The following IL17B variants were observed in gnomAD, a reference collection of about 807,000 sequenced individuals.
The protein encoded by IL17B is interleukin-17B.
Under a neutral mutation model 14.7 loss-of-function variants are expected in IL17B, and 14 were observed. That is an observed-to-expected ratio of 0.95 (90% confidence interval 0.63 to 1.49). The LOEUF (loss-of-function observed/expected upper bound fraction) is 1.49, where lower values mean the gene tolerates loss of function less well. IL17B is among the 40% of genes most tolerant of loss of function. IL17B has a pLI of 0.00. For synonymous variants in IL17B, 105 were observed against 94.8 expected, an observed-to-expected ratio of 1.11 and a Z score of -0.62; for missense variants, 233 against 252.8, an observed-to-expected ratio of 0.92 and a Z score of 0.53.
At chr5:149,396,098 A>C (rs1267341285) in intron 1 of IL17B, among the ~76,000 whole-genome samples, 1 of 152,268 alleles carries the variant, frequency 6.6e-6, no homozygotes, top group Non-Finnish European at 1.5e-5. Context: ...ATGAAAAAAA[A>C]TAAACTGCAT....
At chr5:149,394,194 TG>T (rs1166398468) in intron 1 of IL17B, among the ~76,000 whole-genome samples, 2 of 152,212 alleles carry the variant, frequency 1.3e-5, no homozygotes, top group Non-Finnish European at 2.9e-5. Context: ...TACGCGCAGA[TG>T]AACTATATTC....
At chr5:149,402,371 G>A (rs947349087) in intron 1 of IL17B, among the ~76,000 whole-genome samples, 30 of 152,120 alleles carry the variant, frequency 2.0e-4, no homozygotes, top group Non-Finnish European at 2.9e-4. Context: ...GGGAGGACTG[G>A]GCTACACCAT....
At chr5:149,399,241 G>A (rs1357337131) in intron 1 of IL17B, among the ~76,000 whole-genome samples, 6 of 152,160 alleles carry the variant, frequency 3.9e-5, no homozygotes, top group African/African-American at 1.4e-4. Flanking sequence ...CTGTCAGGTG[G>A]GCAGAGAGTA....
chr5:149,396,622 G>A (rs1759096573), intron 1 of IL17B, among the ~76,000 whole-genome samples: 1 of 152,138 alleles, frequency 6.6e-6, no homozygotes, highest in Non-Finnish European at 1.5e-5. Context: ...GCCAGGCGCA[G>A]CGGTGTACGC....
At chr5:149,387,547 T>C (rs1332740533) in intron 1 of IL17B, among the ~76,000 whole-genome samples, 8 of 152,026 alleles carry the variant, frequency 5.3e-5, no homozygotes, top group Non-Finnish European at 1.2e-4. Context: ...GGCAGGAGAA[T>C]TGCTTGAGGT....
At chr5:149,389,536 T>C (rs1758895918) in intron 1 of IL17B, among the ~76,000 whole-genome samples, 1 of 152,150 alleles carries the variant, frequency 6.6e-6, no homozygotes, top group African/African-American at 2.4e-5. Context: ...AGTGTCAGAG[T>C]TGGGACCAGA....
chr5:149,398,675 G>A (rs1404910320), intron 1 of IL17B, among the ~76,000 whole-genome samples: 1 of 152,232 alleles, frequency 6.6e-6, no homozygotes, highest in Non-Finnish European at 1.5e-5. Flanking sequence ...GGGAGGTGGA[G>A]GTGGGCAGAT....
upstream of IL17B, among the ~76,000 whole-genome samples, chr5:149,383,456 CAG>C (rs1376714927): frequency 6.6e-6 from 1 of 152,172 alleles, no homozygotes; most frequent in Non-Finnish European, 1.5e-5. Context: ...CCAGTAAGGT[CAG>C]GGAAGGCGGG....
intron 1 of IL17B, among the ~76,000 whole-genome samples, chr5:149,400,161 T>G (rs1759178471): frequency 1.3e-5 from 2 of 152,128 alleles, no homozygotes; most frequent in Non-Finnish European, 2.9e-5. Context: ...AATTAGTTAA[T>G]ATGAGGTCAG....
chr5:149,374,508 T>G lies in IL17B; in HGVS notation c.404A>C (p.Asp135Ala). 6.2e-7 allele frequency: 1 copy of G among 1,613,200 alleles called. No individual in the cohort carries two copies. The highest frequency in any genetic ancestry group is 8.5e-7 in the Non-Finnish European group (1 of 1,179,988). ...GCVNPFTMQE[D>A]RSMVSVPVFS... ...CACCGGCACGCTCACCATGCTGCGG[T>G]CCTCCTGCATGGTGAAGGGGTTCAC... is the stretch of plus-strand genomic sequence containing the variant. Residue 135 changes from aspartate to alanine, a missense_variant, in exon 3 of 3, where the codon GAC (aspartate) becomes GCC (alanine). By Grantham distance (126) the Asp-to-Ala change is moderately radical. Coordinates refer to ENST00000261796, the MANE Select transcript of IL17B (RefSeq NM_014443.3). This position sits in a 1 kb window ranked among gnomAD's most constrained non-coding sequence, Gnocchi z 5.0.
In IL17B at chr5:149,377,891, G is replaced by C. The variant is rs2227449; in HGVS notation, c.22-866C>G. 7.2e-3 allele frequency among the ~76,000 whole-genome samples: 1,101 copies of C among 152,168 alleles called. 11 individuals are homozygous for C. The highest frequency in any genetic ancestry group is 0.025 in the African/African-American group (1,028 of 41,502). On this transcript the variant is annotated intron_variant, in intron 1 of 2. Coordinates refer to ENST00000261796, the MANE Select transcript of IL17B (RefSeq NM_014443.3). ...GGGCGTGGTGGCTCACACCTGTAAT[G>C]CCAGCACTTTGGGAGGCCGAGGCGG...
In IL17B at chr5:149,387,081, G is replaced by A. The variant is rs1443866175; in HGVS notation, n.96-10056C>T. Among the ~76,000 whole-genome samples the A allele has an allele frequency of 4.0e-5, 6 of 150,720 alleles. No homozygotes were observed. The South Asian group carries it at 1.3e-3, about 32-fold the overall frequency. On this transcript the variant is annotated intron_variant and non_coding_transcript_variant, in intron 1 of 2. Transcript: ENST00000505432. ...TATTTTAGGACCAGCCCACAGCTCA[G>A]GGGCTCTTGCTGGGCCCCTCTCCTC...
chr5:149,399,517 A>G (rs1759167127), intron 1 of IL17B, among the ~76,000 whole-genome samples: 2 of 152,180 alleles, frequency 1.3e-5, no homozygotes, highest in African/African-American at 2.4e-5. Context: ...AGAAATAATA[A>G]AGAAACAAAT....
At chr5:149,376,629 C>G in intron 2 of IL17B, 107 bp downstream of exon 2, 1 of 1,442,738 alleles carries the variant, frequency 6.9e-7, no homozygotes, top group Non-Finnish European at 9.3e-7. Flanking sequence ...AGGGTTCGAA[C>G]CCAAGCACCC....
intron 1 of IL17B, among the ~76,000 whole-genome samples, chr5:149,403,014 A>C (rs1179287573): frequency 6.6e-6 from 1 of 151,550 alleles, no homozygotes; most frequent in Non-Finnish European, 1.5e-5. Flanking sequence ...AAAAAAAAAA[A>C]AAAAAAAAAA....
intron 1 of IL17B, among the ~76,000 whole-genome samples, chr5:149,391,589 G>A (rs1476478858): frequency 2.0e-5 from 3 of 152,234 alleles, no homozygotes; most frequent in African/African-American, 7.2e-5. Context: ...CCTGATTTGG[G>A]CTCCTGTCTC....
At chr5:149,393,508 T>C (rs375535362) in intron 1 of IL17B, among the ~76,000 whole-genome samples, 193 of 152,338 alleles carry the variant, frequency 1.3e-3, no homozygotes, top group Middle Eastern at 6.8e-3. Context: ...AATAAATAAA[T>C]GAATAAATAC....
intron 1 of IL17B, among the ~76,000 whole-genome samples, chr5:149,392,967 T>TGC (rs71740356): frequency 2.7e-5 from 4 of 147,400 alleles, no homozygotes; most frequent in African/African-American, 1.0e-4. Flanking sequence ...TGCGTGTGTG[T>TGC]GCGCGCGTGC....
intron 1 of IL17B, among the ~76,000 whole-genome samples, chr5:149,377,796 G>C (rs539585833): frequency 3.6e-4 from 55 of 152,138 alleles, no homozygotes; most frequent in African/African-American, 1.3e-3. Flanking sequence ...AAGTCTTGCA[G>C]GTGTGGGAGG....
Sources: gnomAD v4.1 joint callset for allele counts (sites outside exome capture counted in the v4.1 genomes callset) on GRCh38, gnomAD v4.1.1 for gene constraint, Gnocchi (gnomAD v3.1) non-coding constraint, MANE v1.5 for transcripts, NCBI Gene and HGNC (gene_info 2026-07-23, HGNC 2026-07-21) for gene names.